Variants in ZNF311 observed in about 807,000 individuals in gnomAD.
ZNF311 encodes the protein zinc finger protein 311.
In ZNF311, 14 loss-of-function variants were observed where a neutral mutation model predicts 22.7. The observed-to-expected ratio is 0.62, with a 90% CI of 0.41 to 0.96. ZNF311 has a LOEUF of 0.96. ZNF311 is among the 40% of genes least tolerant of loss of function. The pLI is 0.00. For missense variants in ZNF311, 731 were observed against 799.0 expected (o/e 0.91, Z 1.03); for synonymous variants, 250 against 275.3 (o/e 0.91, Z 0.91).
intron 5 of ZNF311, 71 bp downstream of exon 5, chr6:28,999,416 C>T (rs1780110155): frequency 7.1e-7 from 1 of 1,410,882 alleles, no homozygotes; most frequent in Non-Finnish European, 9.4e-7. Context: ...ACCTTATATA[C>T]ATCAATAAAT....
chr6:29,004,606 G>C (rs2089472570), intron 1 of ZNF311, among the ~76,000 whole-genome samples: 1 of 152,026 alleles, frequency 6.6e-6, no homozygotes, highest in South Asian at 2.1e-4. Context: ...TCATCGCTCT[G>C]CTGAAAACTC....
In ZNF311 at chr6:28,999,649, G is replaced by A. The variant is rs190236263; in HGVS notation, c.184-36C>T. On this transcript the variant is annotated intron_variant, in intron 4 of 6. Transcript: ENST00000377179. ...ATGCTCCTGCTATCCTGGAGAAAAC[G>A]CCATAGTTTCCTCAGGAAACAGAGG... The A allele has an allele frequency of 1.6e-5, 26 of 1,595,218 alleles. No homozygotes were observed. In the Admixed American group the frequency reaches 3.3e-4, roughly 20 times the overall value.
At chr6:29,005,363 G>A (rs1193771281), upstream of ZNF311, 1 of 151,666 alleles carries the variant, frequency 6.6e-6, no homozygotes, top group African/African-American at 2.4e-5. Flanking sequence ...GAGGAGGTAG[G>A]GCAAATGGGC....
At chr6:29,002,463 AAC>A (rs1440367459) in intron 3 of ZNF311, among the ~76,000 whole-genome samples, 2 of 152,176 alleles carry the variant, frequency 1.3e-5, no homozygotes, top group Non-Finnish European at 2.9e-5. Flanking sequence ...TATATCTAGA[AAC>A]ACATTTTATT....
At chr6:28,996,706 G>A (rs960693434) in intron 6 of ZNF311, 120 bp from the exon 7 acceptor site, 2 of 1,075,444 alleles carry the variant, frequency 1.9e-6, no homozygotes, top group Non-Finnish European at 2.6e-6. Context: ...TACTAACGTT[G>A]TGGCCAAAAG....
rs995003688 is a variant in ZNF311, at chr6:28,998,582, G to A, written c.415+152C>T. The A allele has an allele frequency of 8.7e-6, 5 of 572,006 alleles. No homozygotes were observed. The Admixed American group carries it at 1.6e-4, about 19-fold the overall frequency. 35.4% of individuals were successfully genotyped at this position (572,006 alleles called of 1,614,324 possible). ...TAATAACAGAATAATTGCCCAAATA[G>A]TTTGTCACTGTTTCAATTTTCTTTT... On this transcript the variant is annotated intron_variant, in intron 6 of 6. Coordinates refer to ENST00000377179, the MANE Select transcript of ZNF311 (RefSeq NM_001382360.1).
chr6:28,995,473 T>C lies in ZNF311; in HGVS notation c.1529A>G (p.Asp510Gly), dbSNP rs978616474. The change falls in exon 7 of 7, where the codon GAT becomes GGT. Residue 510 changes from aspartate to glycine, a missense_variant. By Grantham distance (94) the Asp-to-Gly change is moderately conservative. Transcript: ENST00000377179. The surrounding 1 kb of genome is among the most constrained non-coding windows in gnomAD (Gnocchi z 4.7). ...CTGATGGATGGTAAGGCAGTGCTTATCTTGGAAGGTTTTCCCACAATCCCT... is the reference window on the plus strand; with the variant it reads ...CTGATGGATGGTAAGGCAGTGCTTACCTTGGAAGGTTTTCCCACAATCCCT... ...QCRDCGKTFQDKHCLTIHQRI... is the reference protein window; with the variant it reads ...QCRDCGKTFQGKHCLTIHQRI... The C allele has an allele frequency of 3.7e-6, 6 of 1,612,804 alleles. No individual in the cohort carries two copies. Among genetic ancestry groups the C allele is most frequent in the Non-Finnish European group, 4.2e-6 (5 of 1,179,532 alleles).
intron 3 of ZNF311, among the ~76,000 whole-genome samples, chr6:29,000,264 A>G (rs866259031): frequency 1.3e-5 from 2 of 152,138 alleles, no homozygotes; most frequent in African/African-American, 4.8e-5. Flanking sequence ...AGCTCTTGGA[A>G]ATGCACTCTT....
chr6:28,996,685 G>T, intron 6 of ZNF311, 99 bp from the exon 7 acceptor site: 1 of 1,359,218 alleles, frequency 7.4e-7, no homozygotes, highest in Non-Finnish European at 9.8e-7. Context: ...ACTTTTCCAT[G>T]CTGGAAAAAT....
intron 1 of ZNF311, among the ~76,000 whole-genome samples, chr6:29,004,755 C>T (rs965136056): frequency 2.0e-5 from 3 of 152,200 alleles, no homozygotes; most frequent in Non-Finnish European, 4.4e-5. Context: ...GCATACAAGT[C>T]TACAGGATGT....
intron 6 of ZNF311, among the ~76,000 whole-genome samples, chr6:28,998,058 A>G (rs1226102158): frequency 6.6e-6 from 1 of 151,972 alleles, no homozygotes; most frequent in Non-Finnish European, 1.5e-5. Flanking sequence ...ATATTATTTT[A>G]TTCCTCAATG....
In ZNF311 at chr6:28,995,264, C is replaced by G. The variant is rs770105902; in HGVS notation, c.1738G>C (p.Glu580Gln). ...LRQHKRIHTG[E>Q]KPYTCSECGT... ...CACTCACTGCAGGTGTATGGCTTCTCACCAGTGTGGATTCTTTTGTGCTGC... is the reference window on the plus strand; with the variant it reads ...CACTCACTGCAGGTGTATGGCTTCTGACCAGTGTGGATTCTTTTGTGCTGC... The change falls in exon 7 of 7, where the codon GAG becomes CAG. Residue 580 changes from glutamate to glutamine, a missense_variant. By Grantham distance (29) the Glu-to-Gln change is conservative. Coordinates refer to ENST00000377179, the MANE Select transcript of ZNF311 (RefSeq NM_001382360.1). The surrounding 1 kb of genome is among the most constrained non-coding windows in gnomAD (Gnocchi z 4.7). 1 of 1,614,062 alleles carries G rather than the reference C, an allele frequency of 6.2e-7. No individual in the cohort carries two copies. The highest frequency in any genetic ancestry group is 1.6e-4 in the Middle Eastern group (1 of 6,062).
In ZNF311 at chr6:28,999,084, G is replaced by GTT. The variant is rs77858810; in HGVS notation, c.311-248_311-247dup. 1.1e-3 allele frequency among the ~76,000 whole-genome samples: 156 copies of GTT among 141,334 alleles called. 1 individual carries two copies. Among genetic ancestry groups the GTT allele is most frequent in the African/African-American group, 3.2e-3 (126 of 38,804 alleles). The allele number at this position is 141,334 out of a possible 152,430, so 92.7% of individuals were successfully genotyped here. A position where few individuals can be genotyped will look rare whatever the true frequency, so the allele number is the denominator to read the frequency against. On this transcript the variant is annotated intron_variant, in intron 5 of 6. Coordinates refer to ENST00000377179, the MANE Select transcript of ZNF311 (RefSeq NM_001382360.1). ...AACAGTCATTTGGGTGTGCTCTCCT[G>GTT]TTTTTTTTTTTTTTAATTTTATTTT...
intron 3 of ZNF311, 69 bp downstream of exon 3, chr6:29,003,444 C>T: frequency 1.4e-6 from 2 of 1,470,070 alleles, no homozygotes; most frequent in Non-Finnish European, 1.9e-6. Context: ...TGGCATTTTC[C>T]ACCCACTCTG....
At position 28,995,206 on chromosome 6, in the gene ZNF311, A is replaced by G. The variant is rs754567036; in HGVS notation, c.1796T>C (p.Ile599Thr). 26 of 1,613,968 alleles carry G rather than the reference A, an allele frequency of 1.6e-5. No homozygotes were observed. The highest frequency in any genetic ancestry group is 1.3e-4 in the East Asian group (6 of 44,888). The change falls in exon 7 of 7, where the codon ATT becomes ACT. Residue 599 changes from isoleucine to threonine, a missense_variant. By Grantham distance (89) the Ile-to-Thr change is moderately conservative. Coordinates refer to ENST00000377179, the MANE Select transcript of ZNF311 (RefSeq NM_001382360.1). This position sits in a 1 kb window ranked among gnomAD's most constrained non-coding sequence, Gnocchi z 4.7. ...GTSFRQGSAL[I>T]GHKRVHTGEK... ...CCCAGTATGAACTCGCTTATGTCCA[A>G]TCAGAGCTGAGCCCTGACGGAAGGA...
In ZNF311 at chr6:29,004,079, AT is replaced by A. The variant is rs1212718323; in HGVS notation, c.-126del. The A allele has an allele frequency of 4.6e-5, 74 of 1,600,910 alleles. 1 individual carries two copies. Among genetic ancestry groups the A allele is most frequent in the Non-Finnish European group, 6.3e-5 (74 of 1,174,714 alleles). ...GATGCCAGCCTCCTTTGGAGAACAC[AT>A]GTTTTGGTGGTGCCAGCCAAAGGGC... On this transcript the variant is annotated 5_prime_UTR_variant, in exon 2 of 7. An upstream start codon of the reference 5' UTR is lost. Transcript: ENST00000377179.
intron 4 of ZNF311, 90 bp downstream of exon 4, chr6:28,999,866 G>A: frequency 3.6e-6 from 5 of 1,395,274 alleles, no homozygotes; most frequent in Non-Finnish European, 5.0e-6. Flanking sequence ...TGATTTAGGA[G>A]TTGCACAGCC....
Position 28,995,169 on chromosome 6 carries a change from A to T in ZNF311, c.1833T>A (p.Tyr611Ter). ...HKRVHTGEKP[Y>*]ECEECGKAFR... is the part of the protein sequence containing the mutation. Reference sequence around the variant, plus strand: ...AAGCTTTTCCACATTCCTCACATTCATAAGGTTTCTCCCCAGTATGAACTC... The same window carrying T: ...AAGCTTTTCCACATTCCTCACATTCTTAAGGTTTCTCCCCAGTATGAACTC... Residue 611 changes from tyrosine (Y) to a stop codon, truncating the protein, a stop_gained, in exon 7 of 7, where the codon TAT becomes TAA. Coordinates refer to ENST00000377179, the MANE Select transcript of ZNF311 (RefSeq NM_001382360.1). LOFTEE classifies it low-confidence loss of function (END_TRUNC). This position sits in a 1 kb window ranked among gnomAD's most constrained non-coding sequence, Gnocchi z 4.7. The T allele has an allele frequency of 6.2e-7, 1 of 1,614,088 alleles. No homozygotes were observed. The highest frequency in any genetic ancestry group is 2.2e-5 in the East Asian group (1 of 44,886).
At position 28,996,450 on chromosome 6, in the gene ZNF311, A is replaced by C. The variant is rs749900185; in HGVS notation, c.552T>G (p.Val184=). 40 of 1,609,486 alleles carry C rather than the reference A, an allele frequency of 2.5e-5. No individual in the cohort carries two copies. The highest frequency in any genetic ancestry group is 3.3e-5 in the Admixed American group (2 of 60,002). ...TCTCTAATTTGACATCCTGAACACA[A>C]ACTTCTCTAACCTTAGGATCCCGGG... The part of the protein sequence containing the change: ...VDSRDPKVRE[V]CVQDVKLENQ... The change falls in exon 7 of 7, where the codon GTT becomes GTG. Residue 184 remains valine, a synonymous_variant. Transcript: ENST00000377179.
Sources: allele counts gnomAD v4.1 joint callset (sites outside exome capture counted in the v4.1 genomes callset), GRCh38; gene constraint gnomAD v4.1.1; non-coding constraint Gnocchi (gnomAD v3.1); transcripts MANE v1.5; gene names NCBI Gene and HGNC (gene_info 2026-07-23, HGNC 2026-07-21).